Variants in DKK3 observed in about 807,000 individuals in gnomAD.
The protein encoded by DKK3 is dickkopf Wnt signaling pathway inhibitor 3.
A neutral mutation model predicts 33.2 loss-of-function variants in DKK3; 22 were observed. The ratio of observed to expected loss-of-function variants is 0.66; its 90% CI spans 0.47 to 0.95. The LOEUF (loss-of-function observed/expected upper bound fraction) is 0.95. Among genes scored for constraint, DKK3 ranks in the 40% least tolerant of loss-of-function variants. DKK3 has a pLI of 0.00. For missense variants in DKK3, 398 were observed against 458.4 expected, an observed-to-expected ratio of 0.87 and a Z score of 1.20; for synonymous variants, 194 against 188.8, an observed-to-expected ratio of 1.03 and a Z score of -0.23.
chr11:12,003,492 G>A (rs1245072077), intron 1 of DKK3, among the ~76,000 whole-genome samples: 1 of 152,186 alleles, frequency 6.6e-6, no homozygotes, highest in Non-Finnish European at 1.5e-5. Context: ...AGATATGTCA[G>A]TGACCTCATA....
chr11:11,975,854 G>A (rs1169639120), intron 3 of DKK3, among the ~76,000 whole-genome samples: 2 of 152,188 alleles, frequency 1.3e-5, no homozygotes, highest in Non-Finnish European at 2.9e-5. Flanking sequence ...GGGCCATGTA[G>A]GGCTGAGACA....
intron 3 of DKK3, among the ~76,000 whole-genome samples, chr11:11,985,753 G>A (rs1482365447): frequency 4.6e-5 from 7 of 152,216 alleles, no homozygotes; most frequent in Non-Finnish European, 2.9e-5. Context: ...AAGGAAAGTA[G>A]CTCATATGAA....
intron 3 of DKK3, among the ~76,000 whole-genome samples, chr11:11,978,087 G>T (rs570097473): frequency 2.6e-4 from 40 of 152,276 alleles, no homozygotes; most frequent in African/African-American, 9.6e-4. Context: ...ATTCTATAGG[G>T]TGTCTTGTAT....
chr11:11,998,841 T>C, intron 2 of DKK3, 62 bp from the exon 3 acceptor site: 1 of 1,484,988 alleles, frequency 6.7e-7, no homozygotes, highest in South Asian at 1.1e-5. Context: ...TTCCACAAGT[T>C]GTTTTTGTGT....
Position 11,998,543 on chromosome 11 carries a change from C to G in DKK3, c.435+153G>C. ...TATTACTGGACTACATCTGTCTGGT[C>G]AGAAATGTAGGAATTGAGGAATCTC... On this transcript the variant is annotated intron_variant, in intron 3 of 6. Transcript: ENST00000683431. 5 of 729,806 alleles carry G rather than the reference C, an allele frequency of 6.9e-6. No homozygotes were observed. The South Asian group carries it at 7.6e-5, about 11-fold the overall frequency. The allele number at this position is 729,806 out of a possible 1,614,324, so 45.2% of individuals were successfully genotyped here.
chr11:11,967,311 G>A (rs1847621682), intron 4 of DKK3, among the ~76,000 whole-genome samples: 1 of 152,204 alleles, frequency 6.6e-6, no homozygotes, highest in African/African-American at 2.4e-5. Flanking sequence ...AATGGCACCG[G>A]GAGGACTCAT....
In DKK3 at chr11:12,008,549, G is replaced by A. The variant is rs932929921; in HGVS notation, c.34C>T (p.Leu12=). ...GCCGTGGGGACCGCCGCCGCCAGCA[G>A]CAGGCACAGCAGGGTGGCCCCAAGC... ...QRLGATLLCL[L]LAAAVPTAPA... The change falls in exon 1 of 7, where the codon CTG becomes TTG. Residue 12 remains leucine, a synonymous_variant. Transcript: ENST00000683431. The surrounding 1 kb of genome is among the most constrained non-coding windows in gnomAD (Gnocchi z 4.6). 1.3e-6 allele frequency: 2 copies of A among 1,534,596 alleles called. No individual in the cohort carries two copies. The highest frequency in any genetic ancestry group is 2.0e-5 in the Admixed American group (1 of 51,068).
rs1848352706 is a variant in DKK3, at chr11:11,998,687, A to C, written c.435+9T>G. On this transcript the variant is annotated intron_variant, in intron 3 of 6. Coordinates refer to ENST00000683431, the MANE Select transcript of DKK3 (RefSeq NM_001018057.2). ...TCGGGGTGCAAGTACAGGGGAAATG[A>C]CAACTTACGTGGCTCCTTCTGCCTT... 1 of 1,612,586 alleles carries C rather than the reference A, an allele frequency of 6.2e-7. No individual in the cohort carries two copies. The highest frequency in any genetic ancestry group is 1.7e-5 in the Admixed American group (1 of 59,996).
intron 3 of DKK3, among the ~76,000 whole-genome samples, chr11:11,970,373 C>G (rs776681068): frequency 6.6e-6 from 1 of 152,188 alleles, no homozygotes; most frequent in Non-Finnish European, 1.5e-5. Context: ...AATAGAAAGG[C>G]GTTCAACCTC....
At chr11:11,979,331 G>A (rs539929368) in intron 3 of DKK3, among the ~76,000 whole-genome samples, 8 of 152,330 alleles carry the variant, frequency 5.3e-5, no homozygotes, top group East Asian at 3.9e-4. Context: ...TGCAAACCCC[G>A]CGGGACCTAC....
intron 3 of DKK3, chr11:11,979,081 G>A (rs16910272): frequency 0.18 from 27,440 of 152,250 alleles, 2,531 homozygotes; most frequent in Middle Eastern, 0.44. Context: ...CAGGTTCACC[G>A]ACGCAAGGAA....
intron 3 of DKK3, among the ~76,000 whole-genome samples, chr11:11,997,335 A>G (rs759180754): frequency 7.9e-5 from 12 of 151,952 alleles, no homozygotes; most frequent in Non-Finnish European, 4.4e-5. Flanking sequence ...TCAATCCTTC[A>G]TCAAACCCCA....
chr11:12,002,820 A>T lies in DKK3; in HGVS notation c.214-383T>A, dbSNP rs577974545. On this transcript the variant is annotated intron_variant, in intron 1 of 6. Transcript: ENST00000683431. ...GCCCTGCCCATCTCCTGGTGGCCTA[A>T]TCTGGAGGTCACCTGTATCCAGTTC... Among the ~76,000 whole-genome samples, 18 of 152,232 alleles carry T rather than the reference A, an allele frequency of 1.2e-4. No homozygotes were observed. In the East Asian group the frequency reaches 3.5e-3, roughly 29 times the overall value.
At chr11:12,003,158 TG>T (rs2133332878) in intron 1 of DKK3, among the ~76,000 whole-genome samples, 2 of 152,346 alleles carry the variant, frequency 1.3e-5, no homozygotes, top group South Asian at 4.1e-4. Context: ...TAGTGTTTTC[TG>T]GGAGCACATC....
intron 1 of DKK3, among the ~76,000 whole-genome samples, chr11:12,007,626 C>T (rs1013370599): frequency 5.9e-5 from 9 of 152,200 alleles, no homozygotes; most frequent in Admixed American, 1.3e-4. Flanking sequence ...CTAAATACTG[C>T]GCACCTATTA....
intron 3 of DKK3, among the ~76,000 whole-genome samples, chr11:11,978,634 C>T (rs1162058595): frequency 6.6e-6 from 1 of 152,096 alleles, no homozygotes; most frequent in Non-Finnish European, 1.5e-5. Flanking sequence ...CCACCTTGGC[C>T]TCCCAAAGTG....
At chr11:11,999,720 C>T (rs561629551) in intron 2 of DKK3, among the ~76,000 whole-genome samples, 55 of 152,344 alleles carry the variant, frequency 3.6e-4, no homozygotes, top group African/African-American at 1.1e-3. Context: ...AGCTCTGTCT[C>T]AGTCACCAGT....
intron 3 of DKK3, among the ~76,000 whole-genome samples, chr11:11,973,903 C>T (rs1458782047): frequency 6.6e-6 from 1 of 152,204 alleles, no homozygotes; most frequent in African/African-American, 2.4e-5. Context: ...TTCCCAGAGT[C>T]TGTGTGGGGC....
intron 6 of DKK3, 47 bp downstream of exon 6, chr11:11,965,762 C>G (rs1160628611): frequency 6.3e-7 from 1 of 1,592,832 alleles, no homozygotes; most frequent in Non-Finnish European, 8.6e-7. Context: ...CTGGATGGCA[C>G]CTCCTCAGCC....
Sources: allele counts gnomAD v4.1 joint callset (sites outside exome capture counted in the v4.1 genomes callset), GRCh38; gene constraint gnomAD v4.1.1; non-coding constraint Gnocchi (gnomAD v3.1); transcripts MANE v1.5; gene names NCBI Gene and HGNC (gene_info 2026-07-23, HGNC 2026-07-21).